The following PLEKHO2 variants were observed in gnomAD, a reference collection of about 807,000 sequenced individuals.
PLEKHO2 encodes the protein pleckstrin homology domain-containing family O member 2.
A neutral mutation model predicts 32.7 loss-of-function variants in PLEKHO2; 20 were observed. The ratio of observed to expected loss-of-function variants is 0.61; its 90% CI spans 0.43 to 0.89. The LOEUF (loss-of-function observed/expected upper bound fraction) is 0.89, where lower values mean the gene tolerates loss of function less well. PLEKHO2 is among the 40% of genes least tolerant of loss of function. The pLI, the probability that PLEKHO2 is intolerant of heterozygous loss-of-function variation, is 0.00. For missense variants in PLEKHO2, 568 were observed against 621.2 expected, an observed-to-expected ratio of 0.91 and a Z score of 0.91; for synonymous variants, 247 against 246.3, an observed-to-expected ratio of 1.00 and a Z score of -0.03.
At chr15:64,852,324 G>C (rs1162837230) in intron 2 of PLEKHO2, among the ~76,000 whole-genome samples, 1 of 152,176 alleles carries the variant, frequency 6.6e-6, no homozygotes, top group Non-Finnish European at 1.5e-5. Flanking sequence ...CTGGAGGCTA[G>C]AGATTGGAAA....
chr15:64,848,266 C>A (rs879327845), intron 1 of PLEKHO2, among the ~76,000 whole-genome samples: 2 of 152,164 alleles, frequency 1.3e-5, no homozygotes, highest in African/African-American at 4.8e-5. Context: ...GCCACTCTGT[C>A]GAGTCATCCT....
At chr15:64,849,881 C>T (rs769132822) in intron 2 of PLEKHO2, among the ~76,000 whole-genome samples, 5 of 150,772 alleles carry the variant, frequency 3.3e-5, no homozygotes, top group Non-Finnish European at 7.4e-5. Flanking sequence ...ATTAGCAGGC[C>T]GGGTTGTAGT....
At chr15:64,855,119 G>A in intron 3 of PLEKHO2, 82 bp downstream of exon 3, 1 of 1,124,618 alleles carries the variant, frequency 8.9e-7, no homozygotes, top group East Asian at 2.6e-5. Context: ...AGGCAGGCCT[G>A]GCCCCTTGAA....
intron 5 of PLEKHO2, 134 bp from the exon 6 acceptor site, chr15:64,864,765 A>C: frequency 1.1e-6 from 1 of 890,830 alleles, no homozygotes; most frequent in Non-Finnish European, 1.7e-6. Context: ...CACAGAAGCC[A>C]GGACAGAGGG....
chr15:64,855,208 C>T (rs945724816), intron 3 of PLEKHO2, among the ~76,000 whole-genome samples, 171 bp downstream of exon 3: 1 of 152,210 alleles, frequency 6.6e-6, no homozygotes, highest in African/African-American at 2.4e-5. Context: ...CATTTTGTCT[C>T]GGAATCTTCC....
intron 1 of PLEKHO2, among the ~76,000 whole-genome samples, chr15:64,847,321 G>A (rs2084529949): frequency 6.6e-6 from 1 of 152,086 alleles, no homozygotes; most frequent in Non-Finnish European, 1.5e-5. Flanking sequence ...TCTTTTAACT[G>A]GGGCCCCTTT....
chr15:64,849,044 C>T (rs962301772), intron 2 of PLEKHO2, among the ~76,000 whole-genome samples: 4 of 146,400 alleles, frequency 2.7e-5, no homozygotes, highest in Non-Finnish European at 4.5e-5. Flanking sequence ...GGCGAGATCT[C>T]GGATCACTGC....
intron 2 of PLEKHO2, among the ~76,000 whole-genome samples, chr15:64,852,853 C>A (rs963145094): frequency 1.3e-5 from 2 of 151,942 alleles, no homozygotes; most frequent in Non-Finnish European, 2.9e-5. Context: ...TGGTTCTTAA[C>A]TGTTCGCATC....
At chr15:64,843,291 C>T (rs986108042) in intron 1 of PLEKHO2, among the ~76,000 whole-genome samples, 11 of 152,234 alleles carry the variant, frequency 7.2e-5, no homozygotes, top group African/African-American at 1.9e-4. Context: ...TGACAGTGGC[C>T]GGTTCTCTCA....
chr15:64,864,206 A>T (rs961812322), intron 5 of PLEKHO2, among the ~76,000 whole-genome samples: 2 of 151,982 alleles, frequency 1.3e-5, no homozygotes, highest in African/African-American at 4.8e-5. Context: ...GGATATCCCT[A>T]TTGGTCCCTG....
intron 3 of PLEKHO2, among the ~76,000 whole-genome samples, chr15:64,856,897 C>T (rs189785902): frequency 2.2e-4 from 33 of 152,332 alleles, no homozygotes; most frequent in Admixed American, 1.8e-3. Flanking sequence ...GGCCTCCAGC[C>T]GGCCAGGAGG....
At chr15:64,844,576 T>C (rs1012692588) in intron 1 of PLEKHO2, among the ~76,000 whole-genome samples, 2 of 152,174 alleles carry the variant, frequency 1.3e-5, no homozygotes, top group African/African-American at 4.8e-5. Context: ...CCACTTGCCC[T>C]CACCATCTAG....
At chr15:64,842,856 G>A (rs756313293) in intron 1 of PLEKHO2, among the ~76,000 whole-genome samples, 6 of 152,200 alleles carry the variant, frequency 3.9e-5, no homozygotes, top group Non-Finnish European at 7.3e-5. Flanking sequence ...TTATCCGAGG[G>A]TCCAGCACGC....
chr15:64,842,362 T>TGGTC (rs1254706805), intron 1 of PLEKHO2, among the ~76,000 whole-genome samples: 1 of 148,294 alleles, frequency 6.7e-6, no homozygotes, highest in African/African-American at 2.5e-5. Context: ...CCGATTACCG[T>TGGTC]GGTCGGATCC....
rs1277313472 is a variant in PLEKHO2 at position 64,867,581 on chromosome 15, C to T, written c.*1693C>T. The T allele has an allele frequency of 6.6e-6, 1 of 152,298 alleles. No homozygotes were observed. Among genetic ancestry groups the T allele is most frequent in the Non-Finnish European group, 1.5e-5 (1 of 68,092 alleles). 9.4% of individuals were successfully genotyped at this position (152,298 alleles called of 1,614,324 possible). On this transcript the variant is annotated 3_prime_UTR_variant, in exon 6 of 6. Coordinates refer to ENST00000323544, the MANE Select transcript of PLEKHO2 (RefSeq NM_025201.5). ...AGGAACAGCCTTCCCCCACCAGCAG[C>T]CATGGCTGGCTGGGGCTTTAGCCAA... is the stretch of plus-strand genomic sequence containing the variant.
Position 64,865,597 on chromosome 15 carries a change from G to A in PLEKHO2, c.1182G>A (p.Leu394=), listed in dbSNP as rs2084677716. The A allele has an allele frequency of 1.2e-6, 2 of 1,614,238 alleles. No homozygotes were observed. Among genetic ancestry groups the A allele is most frequent in the African/African-American group, 1.3e-5 (1 of 75,070 alleles). The change falls in exon 6 of 6, where the codon TTG becomes TTA. Residue 394 remains leucine, a synonymous_variant. Coordinates refer to ENST00000323544, the MANE Select transcript of PLEKHO2 (RefSeq NM_025201.5). ...CCCGCTGCTCCTCCCTTGGGGACTTGCTTGGGGAAGGCCCGCGGCATCCCT... is the reference window on the plus strand; with the variant it reads ...CCCGCTGCTCCTCCCTTGGGGACTTACTTGGGGAAGGCCCGCGGCATCCCT... ...FHPRCSSLGD[L]LGEGPRHPLQ...
Position 64,865,724 on chromosome 15 carries a change from C to T in PLEKHO2, c.1309C>T (p.Pro437Ser), listed in dbSNP as rs776982687. ...LNKVLGSEPA[P>S]VSAETLLSQA... is the part of the protein sequence containing the mutation. ...CAAGGTGCTGGGCAGTGAGCCGGCC[C>T]CTGTTAGTGCCGAAACATTGCTCAG... Residue 437 changes from proline to serine, a missense_variant, in exon 6 of 6, where the codon CCT becomes TCT. Coordinates refer to ENST00000323544, the MANE Select transcript of PLEKHO2 (RefSeq NM_025201.5). 6.2e-7 allele frequency: 1 copy of T among 1,614,218 alleles called. No homozygotes were observed. The highest frequency in any genetic ancestry group is 2.2e-5 in the East Asian group (1 of 44,878).
chr15:64,861,463 C>T lies in PLEKHO2; in HGVS notation c.385-14C>T. 1.9e-6 allele frequency: 3 copies of T among 1,570,758 alleles called. No individual in the cohort carries two copies. Among genetic ancestry groups the T allele is most frequent in the Non-Finnish European group, 2.6e-6 (3 of 1,157,784 alleles). ...AGGCTTGGCAGGGGCTGATCTGGTT[C>T]CCCCTCCCTCCAGGTAAAGGTGGAC... On this transcript the variant is annotated splice_polypyrimidine_tract_variant and intron_variant, in intron 4 of 5. Transcript: ENST00000323544.
intron 4 of PLEKHO2, 44 bp from the exon 5 acceptor site, chr15:64,861,433 C>G (rs1169696250): frequency 6.7e-7 from 1 of 1,491,702 alleles, no homozygotes; most frequent in African/African-American, 1.4e-5. Flanking sequence ...TTCCCACACT[C>G]CCCAAGGCTT....
Sources: allele counts gnomAD v4.1 joint callset (sites outside exome capture counted in the v4.1 genomes callset), GRCh38; gene constraint gnomAD v4.1.1; transcripts MANE v1.5; gene names NCBI Gene and HGNC (gene_info 2026-07-23, HGNC 2026-07-21).